The following ROBO2 variants were observed in gnomAD, a reference collection of about 807,000 sequenced individuals.
The protein encoded by ROBO2 is roundabout homolog 2.
In ROBO2, 53 loss-of-function variants were observed where a neutral mutation model predicts 160.8. That is an observed-to-expected ratio of 0.33 (90% CI 0.26 to 0.41). The LOEUF is 0.41. ROBO2 is among the 10% of genes least tolerant of loss of function. The pLI is 1.00. For missense variants in ROBO2, 1,577 were observed against 1,722.4 expected (o/e 0.92, Z 1.49); for synonymous variants, 664 against 611.7 (o/e 1.09, Z -1.26).
chr3:77,193,160 T>C (rs1050643453), intron 2 of ROBO2, among the ~76,000 whole-genome samples: 5 of 151,996 alleles, frequency 3.3e-5, no homozygotes, highest in Non-Finnish European at 7.4e-5. Flanking sequence ...AAATACTTCT[T>C]GGCTGCAGGG....
intron 2 of ROBO2, among the ~76,000 whole-genome samples, chr3:76,039,573 A>G (rs1460949723): frequency 6.6e-6 from 1 of 152,056 alleles, no homozygotes; most frequent in East Asian, 1.9e-4. Flanking sequence ...GAACACATGA[A>G]TAAGCTTACA....
chr3:77,150,363 A>C (rs1338102566), intron 2 of ROBO2, among the ~76,000 whole-genome samples: 2 of 152,250 alleles, frequency 1.3e-5, no homozygotes, highest in Non-Finnish European at 2.9e-5. Flanking sequence ...TGCATTGAGA[A>C]CAAAAGAAAA....
intron 2 of ROBO2, among the ~76,000 whole-genome samples, chr3:77,160,895 G>A (rs562784264): frequency 6.6e-6 from 1 of 152,150 alleles, no homozygotes; most frequent in Non-Finnish European, 1.5e-5. Context: ...TGAACTGCTT[G>A]CATTGTGAGT....
intron 2 of ROBO2, among the ~76,000 whole-genome samples, chr3:76,713,296 TA>T (rs1342069410): frequency 6.6e-6 from 1 of 152,196 alleles, no homozygotes; most frequent in Non-Finnish European, 1.5e-5. Flanking sequence ...ATAAAGTACT[TA>T]ATTATGATTC....
chr3:76,693,871 T>C (rs545472496), intron 2 of ROBO2, among the ~76,000 whole-genome samples: 2 of 152,194 alleles, frequency 1.3e-5, no homozygotes, highest in Admixed American at 6.5e-5. Flanking sequence ...CCCACCCACA[T>C]TGGATGAGCT....
chr3:76,995,203 G>T (rs2060925089), intron 2 of ROBO2, among the ~76,000 whole-genome samples: 1 of 143,656 alleles, frequency 7.0e-6, no homozygotes, highest in African/African-American at 2.6e-5. Context: ...TGCGGTGTTT[G>T]GTTTTCTGTC....
At position 76,622,249 on chromosome 3, in the gene ROBO2, A is replaced by AGAAAGAAAGAAAGAAG. The variant is rs2089221513; in HGVS notation, c.110-475750_110-475749insGGAAAGAAAGAAAGAA. ...AAGGAAGGAAGGAAGAAAGAAAGAAAGAAAGAAAGAAAGAAAGAAAGAAAG... is the reference window on the plus strand; with the variant it reads ...AAGGAAGGAAGGAAGAAAGAAAGAAAGAAAGAAAGAAAGAAGGAAAGAAAGAAAGAAAGAAAGAAAG... On this transcript the variant is annotated intron_variant, in intron 2 of 26. Coordinates refer to the ROBO2 transcript ENST00000487694. Among the ~76,000 whole-genome samples, 87 of 52,660 alleles carry AGAAAGAAAGAAAGAAG rather than the reference A, an allele frequency of 1.7e-3. 4 individuals carry two copies. The highest frequency in any genetic ancestry group is 3.2e-3 in the East Asian group (5 of 1,586). 34.5% of individuals were successfully genotyped at this position (52,660 alleles called of 152,430 possible).
rs564178229 is a variant in ROBO2 at position 76,456,738 on chromosome 3, G to T, written c.109+519136G>T. ...CCATTTTCATGTTGCTGGTAAAGACGTACCCAAGACTGGGAAGAAAAAGAG... is the reference window on the plus strand; with the variant it reads ...CCATTTTCATGTTGCTGGTAAAGACTTACCCAAGACTGGGAAGAAAAAGAG... On this transcript the variant is annotated intron_variant, in intron 2 of 26. Coordinates refer to the ROBO2 transcript ENST00000487694. Among the ~76,000 whole-genome samples the T allele has an allele frequency of 3.3e-5, 5 of 152,264 alleles. No individual in the cohort carries two copies. The South Asian group carries it at 1.0e-3, about 32-fold the overall frequency.
Position 76,809,353 on chromosome 3 carries a change from G to T in ROBO2, c.110-288661G>T, listed in dbSNP as rs2064986991. 2.0e-5 allele frequency among the ~76,000 whole-genome samples: 3 copies of T among 152,070 alleles called. No homozygotes were observed. The South Asian group carries it at 6.2e-4, about 31-fold the overall frequency. On this transcript the variant is annotated intron_variant, in intron 2 of 26. Transcript: ENST00000487694. Reference sequence around the variant, plus strand: ...GTGAGTGGAGTCTCTGTTTTTAGAGGCTGCCTGATTTCCACTGATAGGTGG... The same window carrying T: ...GTGAGTGGAGTCTCTGTTTTTAGAGTCTGCCTGATTTCCACTGATAGGTGG...
At chr3:77,035,029 T>G (rs998991491), upstream of ROBO2, among the ~76,000 whole-genome samples, 1 of 151,908 alleles carries the variant, frequency 6.6e-6, no homozygotes, top group African/African-American at 2.4e-5. Context: ...TGCACACACA[T>G]TAACTCTAGC....
chr3:76,263,577 T>C (rs1025387658), intron 2 of ROBO2, among the ~76,000 whole-genome samples: 1 of 152,034 alleles, frequency 6.6e-6, no homozygotes, highest in Admixed American at 6.6e-5. Context: ...GCCTACTGAA[T>C]TGGAATTCAA....
rs575415443 is a variant in ROBO2 at position 77,210,528 on chromosome 3, G to A, written c.388+112188G>A. ...AAAAAGTATTCACCATATATTGCTC[G>A]GTAAAGAAACATCAAATGGTATTCC... On this transcript the variant is annotated intron_variant, in intron 2 of 25. Transcript: ENST00000461745. Among the ~76,000 whole-genome samples the A allele has an allele frequency of 7.8e-4, 119 of 151,918 alleles. 1 individual carries two copies. The highest frequency in any genetic ancestry group is 6.8e-3 in the Middle Eastern group (2 of 294).
At chr3:76,559,823 T>C (rs1374945696) in intron 2 of ROBO2, among the ~76,000 whole-genome samples, 1 of 152,112 alleles carries the variant, frequency 6.6e-6, no homozygotes, top group Non-Finnish European at 1.5e-5. Context: ...ACTTTTTATA[T>C]ATAATTTTAA....
At chr3:77,082,689 C>A (rs2068794955) in intron 1 of ROBO2, among the ~76,000 whole-genome samples, 1 of 149,014 alleles carries the variant, frequency 6.7e-6, no homozygotes, top group Non-Finnish European at 1.5e-5. Context: ...GATTCAAATG[C>A]TACATAGTAA....
chr3:76,264,511 A>T (rs570615260), intron 2 of ROBO2, among the ~76,000 whole-genome samples: 17 of 152,198 alleles, frequency 1.1e-4, no homozygotes, highest in African/African-American at 3.9e-4. Context: ...TAAAATTATG[A>T]TATATAAGGT....
In ROBO2 at chr3:77,375,029, C is replaced by A. The variant is rs542692178; in HGVS notation, c.389-102385C>A. Among the ~76,000 whole-genome samples, 248 of 152,136 alleles carry A rather than the reference C, an allele frequency of 1.6e-3. 1 individual carries two copies. Among genetic ancestry groups the A allele is most frequent in the African/African-American group, 5.8e-3 (241 of 41,524 alleles). Reference sequence around the variant, plus strand: ...TTTGAGGTCAGCCTGGGCAACATAGCAAGACCCTGTCTCTACAAAAAGTTT... The same window carrying A: ...TTTGAGGTCAGCCTGGGCAACATAGAAAGACCCTGTCTCTACAAAAAGTTT... On this transcript the variant is annotated intron_variant, in intron 2 of 25. Coordinates refer to ENST00000461745, the Ensembl canonical transcript of ROBO2.
intron 2 of ROBO2, among the ~76,000 whole-genome samples, chr3:76,056,135 T>C (rs1213391335): frequency 6.6e-6 from 1 of 152,112 alleles, no homozygotes; most frequent in South Asian, 2.1e-4. Context: ...AACAACTACA[T>C]AGCATTCACA....
At chr3:76,665,867 A>G (rs572883258) in intron 2 of ROBO2, among the ~76,000 whole-genome samples, 2 of 140,556 alleles carry the variant, frequency 1.4e-5, no homozygotes, top group Admixed American at 7.1e-5. Context: ...ACGTGTATGT[A>G]TATACGTATT....
At chr3:76,345,371 G>A (rs1265222236) in intron 2 of ROBO2, among the ~76,000 whole-genome samples, 1 of 151,300 alleles carries the variant, frequency 6.6e-6, no homozygotes. Flanking sequence ...AATGTGAGAT[G>A]TGTGAGAATG....
Sources: allele counts gnomAD v4.1 joint callset (sites outside exome capture counted in the v4.1 genomes callset), GRCh38; gene constraint gnomAD v4.1.1; transcripts MANE v1.5; gene names NCBI Gene and HGNC (gene_info 2026-07-23, HGNC 2026-07-21).